Variants in IDH1 observed in about 807,000 individuals in gnomAD.
The protein encoded by IDH1 is isocitrate dehydrogenase [NADP] cytoplasmic.
A neutral mutation model predicts 46.1 loss-of-function variants in IDH1; 33 were observed. That is an observed-to-expected ratio of 0.72 (90% CI 0.54 to 0.96). The LOEUF (loss-of-function observed/expected upper bound fraction) is 0.96. Among genes scored for constraint, IDH1 ranks in the 40% least tolerant of loss-of-function variants. IDH1 has a pLI of 0.00. For missense variants in IDH1, 421 were observed against 515.7 expected (o/e 0.82, Z 1.78); for synonymous variants, 144 against 172.8 (o/e 0.83, Z 1.31).
At position 208,248,354 on chromosome 2, in the gene IDH1, G is replaced by T. The variant is rs2124862457; in HGVS notation, c.414+15C>A. 6.2e-7 allele frequency: 1 copy of T among 1,604,734 alleles called. No homozygotes were observed. The highest frequency in any genetic ancestry group is 1.3e-5 in the African/African-American group (1 of 74,358). Reference sequence around the variant, plus strand: ...AAAAAACATGCAAAATCACATTATTGCCAACATGACTTACTTGATCCCCAT... The same window carrying T: ...AAAAAACATGCAAAATCACATTATTTCCAACATGACTTACTTGATCCCCAT... On this transcript the variant is annotated intron_variant, in intron 4 of 9. Coordinates refer to ENST00000345146, the MANE Select transcript of IDH1 (RefSeq NM_005896.4).
chr2:208,239,317 A>C (rs1687875002), intron 8 of IDH1, 84 bp from the exon 9 acceptor site: 2 of 1,449,628 alleles, frequency 1.4e-6, no homozygotes, highest in Non-Finnish European at 9.5e-7. Flanking sequence ...CCAAAACAGA[A>C]TAGTTTTTTG....
chr2:208,245,780 C>CG lies in IDH1; in HGVS notation c.415-357_415-356insC, dbSNP rs753170344. Among the ~76,000 whole-genome samples the CG allele has an allele frequency of 5.7e-3, 130 of 22,620 alleles. 1 individual carries two copies. Among genetic ancestry groups the CG allele is most frequent in the Admixed American group, 0.013 (26 of 2,036 alleles). 14.8% of individuals were successfully genotyped at this position (22,620 alleles called of 152,430 possible). On this transcript the variant is annotated intron_variant, in intron 4 of 9. Coordinates refer to ENST00000345146, the MANE Select transcript of IDH1 (RefSeq NM_005896.4). ...TCAAATGCCAAAAGAGGGTATTAGACCCCCCCCCCAAAAAAAAAAAAACTA... is the reference window on the plus strand; with the variant it reads ...TCAAATGCCAAAAGAGGGTATTAGACGCCCCCCCCCAAAAAAAAAAAAACTA...
At chr2:208,241,271 C>A (rs1687914870) in intron 7 of IDH1, among the ~76,000 whole-genome samples, 2 of 152,206 alleles carry the variant, frequency 1.3e-5, no homozygotes, top group African/African-American at 4.8e-5. Flanking sequence ...GTTGCCCAGG[C>A]TGGAGTATAG....
At chr2:208,249,462 A>G (rs1688083531) in intron 3 of IDH1, among the ~76,000 whole-genome samples, 1 of 152,254 alleles carries the variant, frequency 6.6e-6, no homozygotes, top group Admixed American at 6.5e-5. Context: ...AGAGAGTAAT[A>G]GCTTAATATA....
At chr2:208,238,083 TG>T (rs1331613955) in intron 9 of IDH1, among the ~76,000 whole-genome samples, 1 of 149,862 alleles carries the variant, frequency 6.7e-6, no homozygotes, top group African/African-American at 2.5e-5. Flanking sequence ...TCACGCAGGC[TG>T]GAGTGCAGTG....
chr2:208,240,292 ACTTCATAGCTACT>A, intron 7 of IDH1: 1 of 425,842 alleles, frequency 2.3e-6, no homozygotes, highest in Admixed American at 3.5e-5. Flanking sequence ...TAGTTCTATG[ACTTCATAGCTACT>A]GCGGCTCAGT....
chr2:208,239,297 T>C, intron 8 of IDH1, 64 bp from the exon 9 acceptor site: 1 of 1,540,072 alleles, frequency 6.5e-7, no homozygotes, highest in Non-Finnish European at 8.9e-7. Flanking sequence ...TCCAAATGTC[T>C]CATAGTTCCC....
At chr2:208,238,802 G>T (rs1019914547) in intron 9 of IDH1, among the ~76,000 whole-genome samples, 1 of 152,128 alleles carries the variant, frequency 6.6e-6, no homozygotes, top group Non-Finnish European at 1.5e-5. Context: ...AGTTTGATTG[G>T]TACCAGCCAC....
Position 208,245,346 on chromosome 2 carries a change from C to A in IDH1, c.493G>T (p.Val165Leu), listed in dbSNP as rs1197355900. Residue 165 changes from valine (V) to leucine (L), a missense_variant, in exon 5 of 10, where the codon GTG becomes TTG. By Grantham distance (32) the Val-to-Leu change is conservative. Coordinates refer to ENST00000345146, the MANE Select transcript of IDH1 (RefSeq NM_005896.4). ...TCAAAGTTATGTACCAGGTATGTCA[C>A]CTTTTGGGTTCCGTCACTTGGTGTG... ...TYTPSDGTQK[V>L]TYLVHNFEEG... is the part of the protein sequence containing the mutation. 6.2e-7 allele frequency: 1 copy of A among 1,607,322 alleles called. No individual in the cohort carries two copies. The highest frequency in any genetic ancestry group is 8.5e-7 in the Non-Finnish European group (1 of 1,174,806).
rs1229651962 is a variant in IDH1, at chr2:208,239,880, G to A, written c.974C>T (p.Thr325Met). 6.2e-6 allele frequency: 10 copies of A among 1,614,124 alleles called. 1 individual carries two copies. Among genetic ancestry groups the A allele is most frequent in the Middle Eastern group, 3.3e-4 (2 of 6,062 alleles). Residue 325 changes from threonine (T) to methionine (M), a missense_variant, in exon 8 of 10, where the codon ACG becomes ATG. Physicochemically the swap from Thr to Met is moderately conservative, Grantham distance 81. Coordinates refer to ENST00000345146, the MANE Select transcript of IDH1 (RefSeq NM_005896.4). ...CATCTTACCAATGGGATTGGTGGAC[G>A]TCTCCTGTCCTTTCTGGTACATGCG... is the stretch of plus-strand genomic sequence containing the variant. ...HYRMYQKGQE[T>M]STNPIASIFA...
intron 4 of IDH1, chr2:208,247,535 A>C (rs1295774196): frequency 6.6e-6 from 1 of 152,194 alleles, no homozygotes; most frequent in Non-Finnish European, 1.5e-5. Flanking sequence ...TCCTAGGCTT[A>C]AGGGATCCTC....
chr2:208,248,729 A>G (rs544768396), intron 3 of IDH1, 69 bp from the exon 4 acceptor site: 362 of 1,402,252 alleles, frequency 2.6e-4, no homozygotes, highest in Non-Finnish European at 3.4e-4. Flanking sequence ...AACTGCAGTG[A>G]TGGCATATAG....
At chr2:208,251,643 A>C (rs1688125568) in intron 2 of IDH1, 76 bp from the exon 3 acceptor site, 2 of 1,235,780 alleles carry the variant, frequency 1.6e-6, no homozygotes, top group Non-Finnish European at 2.3e-6. Flanking sequence ...CGTAGTGTTT[A>C]TATAAACAAC....
rs369048275 is a variant in IDH1 at position 208,251,530 on chromosome 2, C to T, written c.22G>A (p.Gly8Ser). 37 of 1,613,384 alleles carry T rather than the reference C, an allele frequency of 2.3e-5. No homozygotes were observed. The highest frequency in any genetic ancestry group is 1.6e-4 in the Middle Eastern group (1 of 6,062). ...TCTCCTTGCATCTCTACCACAGAAC[C>T]GCCACTGATTTTTTTGGACATTTTG... is the stretch of plus-strand genomic sequence containing the variant. MSKKISG[G>S]SVVEMQGDEM... The change falls in exon 3 of 10, where the codon GGT becomes AGT. Residue 8 changes from glycine to serine, a missense_variant. Gly to Ser is a moderately conservative substitution (Grantham distance 56, BLOSUM62 0). Transcript: ENST00000345146.
intron 6 of IDH1, 26 bp downstream of exon 6, chr2:208,243,395 TAAAGAA>T: frequency 2.0e-6 from 3 of 1,519,768 alleles, no homozygotes; most frequent in South Asian, 2.2e-5. Flanking sequence ...TACTTGAGAA[TAAAGAA>T]AAAGTTAAAA....
chr2:208,239,013 G>T (rs1687867391), intron 9 of IDH1, 58 bp downstream of exon 9: 13 of 1,435,268 alleles, frequency 9.1e-6, no homozygotes, highest in Non-Finnish European at 1.1e-5. Flanking sequence ...CCGATGCTCT[G>T]AGCCCAGTGA....
chr2:208,239,705 T>C (rs1264371668), intron 8 of IDH1, among the ~76,000 whole-genome samples, 158 bp downstream of exon 8: 1 of 152,234 alleles, frequency 6.6e-6, no homozygotes, highest in African/African-American at 2.4e-5. Flanking sequence ...GCAAATATTG[T>C]ATATTTTAAG....
At chr2:208,238,250 T>C (rs1041058878) in intron 9 of IDH1, among the ~76,000 whole-genome samples, 1 of 152,076 alleles carries the variant, frequency 6.6e-6, no homozygotes, top group Admixed American at 6.5e-5. Flanking sequence ...TTAGCCAGGA[T>C]GGTCTTGATC....
chr2:208,251,989 A>T (rs996364006), intron 2 of IDH1, among the ~76,000 whole-genome samples: 2 of 152,182 alleles, frequency 1.3e-5, no homozygotes, highest in African/African-American at 2.4e-5. Context: ...CCACAATCTC[A>T]TGTTTATTGA....
Sources: gnomAD v4.1 joint callset for allele counts (sites outside exome capture counted in the v4.1 genomes callset) on GRCh38, gnomAD v4.1.1 for gene constraint, MANE v1.5 for transcripts, NCBI Gene and HGNC (gene_info 2026-07-23, HGNC 2026-07-21) for gene names.